The following CENPW variants were observed in gnomAD, a reference collection of about 807,000 sequenced individuals.
CENPW encodes the protein centromere protein W.
CENPW carries 3 observed loss-of-function variants against 11.1 expected under a neutral mutation model. The observed-to-expected ratio is 0.27, with a 90% CI of 0.12 to 0.70. The LOEUF (loss-of-function observed/expected upper bound fraction) is 0.70. CENPW is among the 30% of genes least tolerant of loss of function. The pLI is 0.77. For synonymous variants in CENPW, 38 were observed against 42.0 expected, an observed-to-expected ratio of 0.91 and a Z score of 0.37; for missense variants, 100 against 105.6, an observed-to-expected ratio of 0.95 and a Z score of 0.23.
the CENPW span, among the ~76,000 whole-genome samples, chr6:126,472,497 C>T: frequency 6.6e-6 from 1 of 152,172 alleles, no homozygotes; most frequent in African/African-American, 2.4e-5. Flanking sequence ...ATAGTTCATT[C>T]CTTTTAATTA....
the CENPW span, among the ~76,000 whole-genome samples, chr6:126,381,918 A>C: frequency 6.6e-6 from 1 of 152,118 alleles, no homozygotes; most frequent in Non-Finnish European, 1.5e-5. Context: ...CCAGAAATGA[A>C]GCCAGTCGAC....
At chr6:126,431,763 G>A in the CENPW span, among the ~76,000 whole-genome samples, 1 of 152,060 alleles carries the variant, frequency 6.6e-6, no homozygotes, top group East Asian at 1.9e-4. Flanking sequence ...ATGGAGATGG[G>A]TTACTAGAAA....
the CENPW span, among the ~76,000 whole-genome samples, chr6:126,474,094 G>T: frequency 1.3e-5 from 2 of 150,188 alleles, no homozygotes; most frequent in African/African-American, 4.9e-5. Flanking sequence ...TATATATAGA[G>T]AGAGATACAC....
the CENPW span, among the ~76,000 whole-genome samples, chr6:126,480,984 A>G: frequency 1.3e-5 from 2 of 152,070 alleles, no homozygotes; most frequent in African/African-American, 4.8e-5. Flanking sequence ...ACTACCACAC[A>G]TAGCTTTGTA....
the CENPW span, among the ~76,000 whole-genome samples, chr6:126,483,037 G>A: frequency 6.6e-6 from 1 of 151,784 alleles, no homozygotes; most frequent in Non-Finnish European, 1.5e-5. Context: ...TAAGGAAAAA[G>A]CCTTGCAATG....
At chr6:126,367,442 C>CT in the CENPW span, among the ~76,000 whole-genome samples, 67,985 of 151,396 alleles carry the variant, frequency 0.45, 17,029 homozygotes, top group East Asian at 0.97. Flanking sequence ...TTTTCTTTTC[C>CT]TTTTTTTTGG....
At chr6:126,457,785 T>C in the CENPW span, among the ~76,000 whole-genome samples, 1 of 151,270 alleles carries the variant, frequency 6.6e-6, no homozygotes, top group East Asian at 1.9e-4. Flanking sequence ...AGGGCATTGG[T>C]AGGAACACAA....
At chr6:126,425,777 A>G in the CENPW span, among the ~76,000 whole-genome samples, 163 of 151,926 alleles carry the variant, frequency 1.1e-3, 1 homozygote, top group South Asian at 9.4e-3. Flanking sequence ...TTTCTATAAA[A>G]GTTTGGTTAT....
chr6:126,354,477 G>C, the CENPW span, among the ~76,000 whole-genome samples: 1 of 152,048 alleles, frequency 6.6e-6, no homozygotes, highest in Non-Finnish European at 1.5e-5. Context: ...TGCCACTGCA[G>C]TTACTTTTGT....
the CENPW span, among the ~76,000 whole-genome samples, chr6:126,439,684 C>G: frequency 4.9e-4 from 75 of 151,726 alleles, no homozygotes; most frequent in African/African-American, 1.7e-3. Flanking sequence ...TGTAGTTTAT[C>G]AAAGCTAAAA....
the CENPW span, among the ~76,000 whole-genome samples, chr6:126,377,691 G>A: frequency 6.6e-6 from 1 of 152,138 alleles, no homozygotes; most frequent in Non-Finnish European, 1.5e-5. Context: ...TTTTGCATAA[G>A]TAAACCACAT....
the CENPW span, among the ~76,000 whole-genome samples, chr6:126,462,725 T>C: frequency 6.6e-6 from 1 of 151,906 alleles, no homozygotes; most frequent in African/African-American, 2.4e-5. Context: ...AAAACAACAA[T>C]AATTACCCTT....
chr6:126,360,300 C>T, the CENPW span, among the ~76,000 whole-genome samples: 2 of 151,152 alleles, frequency 1.3e-5, no homozygotes. Flanking sequence ...CCACTGCTAG[C>T]TTGATGGGGT....
the CENPW span, among the ~76,000 whole-genome samples, chr6:126,438,026 T>A: frequency 6.6e-6 from 1 of 151,740 alleles, no homozygotes; most frequent in East Asian, 1.9e-4. Context: ...ATTGGCTTTT[T>A]TTTTTCTTCC....
At chr6:126,355,543 G>T in the CENPW span, among the ~76,000 whole-genome samples, 3 of 122,892 alleles carry the variant, frequency 2.4e-5, no homozygotes, top group Non-Finnish European at 5.4e-5. Context: ...ACAGTAATTT[G>T]TTTCACTTGT....
At chr6:126,349,442 A>G (rs1780465619), downstream of CENPW, among the ~76,000 whole-genome samples, 1 of 152,164 alleles carries the variant, frequency 6.6e-6, no homozygotes, top group Admixed American at 6.5e-5. Context: ...ACCTTGTTTA[A>G]AATGTGTCCT....
chr6:126,440,876 G>A, the CENPW span, among the ~76,000 whole-genome samples: 1 of 151,456 alleles, frequency 6.6e-6, no homozygotes, highest in Non-Finnish European at 1.5e-5. Flanking sequence ...GGTCAGAAGT[G>A]TTAGCTATGT....
At chr6:126,361,291 ATTTC>A in the CENPW span, among the ~76,000 whole-genome samples, 8 of 151,744 alleles carry the variant, frequency 5.3e-5, no homozygotes, top group Non-Finnish European at 2.9e-5. Context: ...GCTCTTTTCT[ATTTC>A]TTTCTTTCTT....
At chr6:126,361,615 A>C in the CENPW span, among the ~76,000 whole-genome samples, 7 of 152,190 alleles carry the variant, frequency 4.6e-5, no homozygotes, top group Admixed American at 2.0e-4. Flanking sequence ...TTCTATGTTC[A>C]TAACCATGTT....
Sources: allele counts gnomAD v4.1 joint callset (sites outside exome capture counted in the v4.1 genomes callset), GRCh38; gene constraint gnomAD v4.1.1; transcripts MANE v1.5; gene names NCBI Gene and HGNC (gene_info 2026-07-23, HGNC 2026-07-21).